The following CLC variants were observed in gnomAD, a reference collection of about 807,000 sequenced individuals.
CLC encodes the protein Charcot-Leyden crystal galectin.
In CLC, 15 loss-of-function variants were observed where a neutral mutation model predicts 13.9. The observed-to-expected ratio is 1.08, with a 90% confidence interval of 0.72 to 1.66. The LOEUF is 1.66. CLC is among the 40% of genes most tolerant of loss of function. CLC has a pLI of 0.00. For synonymous variants in CLC, 68 were observed against 59.9 expected (o/e 1.14, Z -0.63); for missense variants, 161 against 169.1 (o/e 0.95, Z 0.27).
chr19:39,734,126 G>T, intron 3 of CLC, 157 bp downstream of exon 3: 1 of 961,160 alleles, frequency 1.0e-6, no homozygotes, highest in Non-Finnish European at 1.2e-6. Context: ...GCCTGGGACA[G>T]GGGGAGTTAT....
intron 1 of CLC, among the ~76,000 whole-genome samples, chr19:39,736,416 T>C (rs1202050008): frequency 1.3e-5 from 2 of 152,130 alleles, no homozygotes; most frequent in Non-Finnish European, 2.9e-5. Context: ...TATAAATGGA[T>C]GGTATTTTTC....
intron 3 of CLC, among the ~76,000 whole-genome samples, chr19:39,732,322 A>C (rs1400310867): frequency 9.3e-6 from 1 of 107,094 alleles, no homozygotes; most frequent in African/African-American, 4.0e-5. Flanking sequence ...ATGAGTGAGA[A>C]TATGCGGTGT....
chr19:39,731,574 G>T, intron 3 of CLC, 69 bp from the exon 4 acceptor site: 2 of 1,507,028 alleles, frequency 1.3e-6, no homozygotes, highest in South Asian at 1.3e-5. Flanking sequence ...TGCTCTCTAT[G>T]GTGTCATAGT....
intron 3 of CLC, among the ~76,000 whole-genome samples, chr19:39,732,710 G>T (rs1270850844): frequency 6.7e-6 from 1 of 149,246 alleles, no homozygotes; most frequent in Non-Finnish European, 1.5e-5. Context: ...CAGTGTAAAA[G>T]TGTTCCTGTT....
chr19:39,731,780 G>C (rs1469988512), intron 3 of CLC, among the ~76,000 whole-genome samples: 3 of 152,142 alleles, frequency 2.0e-5, no homozygotes, highest in Non-Finnish European at 2.9e-5. Flanking sequence ...CCTCTATCCT[G>C]GAAGATCTCC....
chr19:39,733,857 G>T, intron 3 of CLC: 2 of 856,542 alleles, frequency 2.3e-6, no homozygotes, highest in Non-Finnish European at 2.8e-6. Flanking sequence ...ATATTGGACT[G>T]ACTAAAACAA....
Position 39,731,438 on chromosome 19 carries a change from A to C in CLC, c.371T>G (p.Val124Gly). ...CAGGGAGATATCTCTCCACACTTGCACCATCTTCACAGCCTCAGGCTTGAT... is the reference window on the plus strand; with the variant it reads ...CAGGGAGATATCTCTCCACACTTGCCCCATCTTCACAGCCTCAGGCTTGAT... ...HRIKPEAVKM[V>G]QVWRDISLTK... The change falls in exon 4 of 4, where the codon GTG (valine) becomes GGG (glycine). Residue 124 changes from valine (V) to glycine (G), a missense_variant. Physicochemically the swap from Val to Gly is moderately radical, Grantham distance 109. Transcript: ENST00000221804. 2 of 1,613,806 alleles carry C rather than the reference A, an allele frequency of 1.2e-6. No individual in the cohort carries two copies. The highest frequency in any genetic ancestry group is 1.7e-6 in the Non-Finnish European group (2 of 1,179,720).
chr19:39,732,756 C>G (rs894326809), intron 3 of CLC, among the ~76,000 whole-genome samples: 9 of 151,522 alleles, frequency 5.9e-5, no homozygotes, highest in African/African-American at 1.9e-4. Flanking sequence ...TGTTTCCTGA[C>G]TTTTTAATGA....
intron 2 of CLC, 50 bp from the exon 3 acceptor site, chr19:39,734,543 A>C: frequency 7.0e-7 from 1 of 1,422,598 alleles, no homozygotes; most frequent in Non-Finnish European, 9.9e-7. Flanking sequence ...TGTGGGGCAC[A>C]CACAAGACAC....
intron 3 of CLC, among the ~76,000 whole-genome samples, chr19:39,732,110 T>C (rs995633226): frequency 6.8e-6 from 1 of 147,806 alleles, no homozygotes; most frequent in Non-Finnish European, 1.5e-5. Flanking sequence ...CTTTAAGTTT[T>C]AGGGTACATG....
Position 39,732,020 on chromosome 19 carries a change from T to A in CLC, c.304-515A>T, listed in dbSNP as rs559863164. On this transcript the variant is annotated intron_variant, in intron 3 of 3. Transcript: ENST00000221804. ...TAGAGAGGTGGGGCTGGATTAATGT[T>A]ACAAAACATAGGATATTATCTTTAT... Among the ~76,000 whole-genome samples, 36 of 152,240 alleles carry A rather than the reference T, an allele frequency of 2.4e-4. 1 individual carries two copies. The South Asian group carries it at 4.2e-3, about 18-fold the overall frequency.
chr19:39,736,192 C>CA (rs543173129), intron 1 of CLC, among the ~76,000 whole-genome samples: 31,558 of 131,726 alleles, frequency 0.24, 3,802 homozygotes, highest in East Asian at 0.41. Flanking sequence ...TTTTAACCAC[C>CA]AAAAAAAAAA....
intron 3 of CLC, 103 bp from the exon 4 acceptor site, chr19:39,731,608 T>C (rs1463801035): frequency 1.6e-6 from 2 of 1,249,128 alleles, no homozygotes; most frequent in Non-Finnish European, 2.2e-6. Flanking sequence ...AACCAGAAAA[T>C]GCCTCATTAT....
intron 1 of CLC, 120 bp from the exon 2 acceptor site, chr19:39,735,193 C>T: frequency 1.4e-6 from 1 of 695,296 alleles, no homozygotes; most frequent in South Asian, 1.7e-5. Flanking sequence ...CTCCCTGCTC[C>T]CACCCTACCT....
At chr19:39,733,715 A>C (rs1369109681) in intron 3 of CLC, among the ~76,000 whole-genome samples, 1 of 152,120 alleles carries the variant, frequency 6.6e-6, no homozygotes, top group East Asian at 1.9e-4. Flanking sequence ...TGATACCAGC[A>C]TTTGTTTAAA....
rs968090008 is a variant in CLC at position 39,735,153 on chromosome 19, C to A, written c.16-80G>T. On this transcript the variant is annotated intron_variant, in intron 1 of 3. Coordinates refer to ENST00000221804, the MANE Select transcript of CLC (RefSeq NM_001828.6). ...CCTGTAACAGATTCCCATGGTGCAG[C>A]CAGTTAGAGATCAAGCAGTAGACTC... The A allele has an allele frequency of 6.3e-6, 6 of 956,046 alleles. No individual in the cohort carries two copies. The African/African-American group carries it at 8.1e-5, about 13-fold the overall frequency. The allele number at this position is 956,046 out of a possible 1,614,324, so 59.2% of individuals were successfully genotyped here.
At chr19:39,731,699 A>G (rs1967228380) in intron 3 of CLC, among the ~76,000 whole-genome samples, 194 bp from the exon 4 acceptor site, 1 of 152,126 alleles carries the variant, frequency 6.6e-6, no homozygotes, top group East Asian at 1.9e-4. Context: ...CTGTATTTTC[A>G]ATGTTTCCTC....
chr19:39,731,543 T>C, intron 3 of CLC, 38 bp from the exon 4 acceptor site: 2 of 1,573,614 alleles, frequency 1.3e-6, no homozygotes, highest in Non-Finnish European at 1.7e-6. Flanking sequence ...AGACAGTATT[T>C]CACCAAACAA....
At chr19:39,734,635 G>A (rs903314137) in intron 2 of CLC, 142 bp from the exon 3 acceptor site, 2 of 691,772 alleles carry the variant, frequency 2.9e-6, no homozygotes, top group Non-Finnish European at 5.0e-6. Context: ...GGCTGCTTCA[G>A]CTCCTTGTGT....
Sources: allele counts gnomAD v4.1 joint callset (sites outside exome capture counted in the v4.1 genomes callset), GRCh38; gene constraint gnomAD v4.1.1; transcripts MANE v1.5; gene names NCBI Gene and HGNC (gene_info 2026-07-23, HGNC 2026-07-21).